The following CDH18 variants were observed in gnomAD, a reference collection of about 807,000 sequenced individuals.
The protein encoded by CDH18 is cadherin-18.
A neutral mutation model predicts 67.9 loss-of-function variants in CDH18; 31 were observed. That is an observed-to-expected ratio of 0.46 (90% CI 0.34 to 0.62). The LOEUF is 0.62. CDH18 is among the 20% of genes least tolerant of loss of function. CDH18 has a pLI of 0.01. For missense variants in CDH18, 890 were observed against 975.5 expected, an observed-to-expected ratio of 0.91 and a Z score of 1.17; for synonymous variants, 362 against 347.2, an observed-to-expected ratio of 1.04 and a Z score of -0.48.
intron 1 of CDH18, among the ~76,000 whole-genome samples, chr5:20,464,276 T>G (rs370127929): frequency 6.6e-6 from 1 of 152,122 alleles, no homozygotes. Context: ...TCCATCCCAG[T>G]GGTGCACATT....
chr5:20,230,456 C>T (rs1741978593), intron 2 of CDH18, among the ~76,000 whole-genome samples: 1 of 152,116 alleles, frequency 6.6e-6, no homozygotes, highest in South Asian at 2.1e-4. Context: ...AACTGAGCTT[C>T]CTAAAGCAGT....
chr5:19,636,661 A>AT (rs1254724688), intron 5 of CDH18, among the ~76,000 whole-genome samples: 1 of 151,784 alleles, frequency 6.6e-6, no homozygotes, highest in Non-Finnish European at 1.5e-5. Context: ...TATTTATATA[A>AT]TTTTTTGATA....
chr5:20,356,480 T>C (rs1390366018), intron 1 of CDH18, among the ~76,000 whole-genome samples: 2 of 152,112 alleles, frequency 1.3e-5, no homozygotes, highest in South Asian at 2.1e-4. Context: ...TGACTCAAGA[T>C]ATATAAAGAG....
At chr5:20,362,740 C>T (rs1742185742) in intron 1 of CDH18, among the ~76,000 whole-genome samples, 2 of 152,106 alleles carry the variant, frequency 1.3e-5, no homozygotes, top group African/African-American at 2.4e-5. Context: ...GCTTGTAGAT[C>T]GACTACCAAC....
intron 2 of CDH18, among the ~76,000 whole-genome samples, chr5:19,917,000 T>C (rs1201161227): frequency 5.3e-5 from 8 of 152,286 alleles, no homozygotes; most frequent in African/African-American, 1.9e-4. Flanking sequence ...TGGTGCAATC[T>C]ACACTTCTTT....
chr5:19,553,047 T>A (rs1163537187), intron 8 of CDH18, among the ~76,000 whole-genome samples: 1 of 152,166 alleles, frequency 6.6e-6, no homozygotes, highest in Non-Finnish European at 1.5e-5. Context: ...ACAGAAAATT[T>A]ATGACCATAG....
At chr5:19,568,809 C>T (rs900147246) in intron 8 of CDH18, among the ~76,000 whole-genome samples, 1 of 151,906 alleles carries the variant, frequency 6.6e-6, no homozygotes. Flanking sequence ...ACCACACAGT[C>T]GAAGGTAATT....
intron 8 of CDH18, among the ~76,000 whole-genome samples, chr5:19,556,965 A>G (rs1053503838): frequency 1.3e-5 from 2 of 152,078 alleles, no homozygotes; most frequent in African/African-American, 4.8e-5. Flanking sequence ...AGCTAGAAGA[A>G]ATTGAGGTCC....
chr5:20,416,098 A>G (rs1043817087), intron 1 of CDH18, among the ~76,000 whole-genome samples: 2 of 152,172 alleles, frequency 1.3e-5, no homozygotes, highest in Non-Finnish European at 2.9e-5. Flanking sequence ...TCTATATGGT[A>G]TATTTAGAAA....
chr5:20,256,897 T>C (rs551636860), intron 1 of CDH18, among the ~76,000 whole-genome samples: 186 of 150,494 alleles, frequency 1.2e-3, no homozygotes, highest in Non-Finnish European at 2.3e-3. Flanking sequence ...GTTCTGGAAG[T>C]ACTAAGAGAA....
intron 10 of CDH18, among the ~76,000 whole-genome samples, chr5:19,513,923 T>G (rs1372729283): frequency 1.3e-5 from 2 of 152,290 alleles, no homozygotes; most frequent in East Asian, 3.9e-4. Flanking sequence ...TGTATACCTG[T>G]GCCATGTTGG....
At chr5:20,259,519 G>A (rs552255494) in intron 1 of CDH18, among the ~76,000 whole-genome samples, 1 of 151,980 alleles carries the variant, frequency 6.6e-6, no homozygotes, top group Non-Finnish European at 1.5e-5. Context: ...CCTTTATGAC[G>A]ATCTACTTCC....
At chr5:20,070,141 A>G (rs1254185046) in intron 2 of CDH18, among the ~76,000 whole-genome samples, 1 of 152,180 alleles carries the variant, frequency 6.6e-6, no homozygotes, top group African/African-American at 2.4e-5. Flanking sequence ...TTTTCCCAAA[A>G]GCTATATAGT....
chr5:20,027,266 T>G (rs1738993647), intron 2 of CDH18, among the ~76,000 whole-genome samples: 1 of 152,214 alleles, frequency 6.6e-6, no homozygotes, highest in African/African-American at 2.4e-5. Context: ...AACATCCATA[T>G]AATATGCGTT....
intron 8 of CDH18, among the ~76,000 whole-genome samples, chr5:19,569,299 CTCTAATT>C (rs774130235): frequency 3.9e-5 from 6 of 152,134 alleles, no homozygotes; most frequent in Non-Finnish European, 8.8e-5. Flanking sequence ...TTCTTCATTT[CTCTAATT>C]TCTAATTGGT....
intron 5 of CDH18, among the ~76,000 whole-genome samples, chr5:19,703,207 C>T (rs539948014): frequency 6.6e-6 from 1 of 152,186 alleles, no homozygotes; most frequent in South Asian, 2.1e-4. Flanking sequence ...GGTGCCTATA[C>T]ATGGGGCTCA....
In CDH18 at chr5:19,658,973, A is replaced by G. The variant is rs548019749; in HGVS notation, c.644-46372T>C. Reference sequence around the variant, plus strand: ...ACCATGGAATACTATGCAGCCATAAAAAATGATGAGTTCATGTCCTTTGTA... The same window carrying G: ...ACCATGGAATACTATGCAGCCATAAGAAATGATGAGTTCATGTCCTTTGTA... On this transcript the variant is annotated intron_variant, in intron 5 of 12. Coordinates refer to ENST00000382275, the MANE Select transcript of CDH18 (RefSeq NM_004934.5). 8.5e-5 allele frequency among the ~76,000 whole-genome samples: 13 copies of G among 152,222 alleles called. No homozygotes were observed. The South Asian group carries it at 2.7e-3, about 32-fold the overall frequency.
rs185153117 is a variant in CDH18, at chr5:20,307,212, G to A, written c.-579-51707C>T. Among the ~76,000 whole-genome samples, 3 of 152,208 alleles carry A rather than the reference G, an allele frequency of 2.0e-5. No individual in the cohort carries two copies. In the East Asian group the frequency reaches 5.8e-4, roughly 29 times the overall value. On this transcript the variant is annotated intron_variant, in intron 1 of 14. Transcript: ENST00000507958. Reference sequence around the variant, plus strand: ...AAATTCAGGAAGTACAGAATGAGATGAGATCTTTTATTCTAAGAGCAATGG... The same window carrying A: ...AAATTCAGGAAGTACAGAATGAGATAAGATCTTTTATTCTAAGAGCAATGG...
intron 2 of CDH18, among the ~76,000 whole-genome samples, chr5:20,143,725 T>A (rs1750425140): frequency 6.6e-6 from 1 of 152,066 alleles, no homozygotes; most frequent in Non-Finnish European, 1.5e-5. Flanking sequence ...ACTTGCTGCT[T>A]GTAGTGAAAT....
Sources: gnomAD v4.1 joint callset for allele counts (sites outside exome capture counted in the v4.1 genomes callset) on GRCh38, gnomAD v4.1.1 for gene constraint, MANE v1.5 for transcripts, NCBI Gene and HGNC (gene_info 2026-07-23, HGNC 2026-07-21) for gene names.